The following AKAP6 variants were observed in gnomAD, a reference collection of about 807,000 sequenced individuals.
The protein encoded by AKAP6 is A-kinase anchoring protein 6.
Under a neutral mutation model 188.5 loss-of-function variants are expected in AKAP6, and 58 were observed. The ratio of observed to expected loss-of-function variants is 0.31; its 90% CI spans 0.25 to 0.38. AKAP6 has a LOEUF of 0.38. Among genes scored for constraint, AKAP6 ranks in the 10% least tolerant of loss-of-function variants. The pLI, the probability that AKAP6 is intolerant of heterozygous loss-of-function variation, is 1.00. For missense variants in AKAP6, 2,710 were observed against 2,740.0 expected (o/e 0.99, Z 0.24); for synonymous variants, 989 against 998.6 (o/e 0.99, Z 0.18).
At chr14:32,740,184 T>C (rs993413256) in intron 11 of AKAP6, among the ~76,000 whole-genome samples, 6 of 152,142 alleles carry the variant, frequency 3.9e-5, no homozygotes, top group African/African-American at 1.4e-4. Flanking sequence ...TTTTGAGAAA[T>C]GGCTATTCAA....
At chr14:32,488,532 G>T (rs1027186530) in intron 2 of AKAP6, among the ~76,000 whole-genome samples, 2 of 152,102 alleles carry the variant, frequency 1.3e-5, no homozygotes, top group African/African-American at 4.8e-5. Context: ...CTTTCCAGGG[G>T]ACCGAACAGT....
At chr14:32,490,312 A>C (rs1879944523) in intron 2 of AKAP6, among the ~76,000 whole-genome samples, 1 of 152,170 alleles carries the variant, frequency 6.6e-6, no homozygotes, top group African/African-American at 2.4e-5. Flanking sequence ...TCTTTTGCTC[A>C]ACATGTTTAT....
At chr14:32,361,871 A>C (rs1324105405) in intron 1 of AKAP6, among the ~76,000 whole-genome samples, 1 of 151,640 alleles carries the variant, frequency 6.6e-6, no homozygotes, top group Non-Finnish European at 1.5e-5. Context: ...GTGCAGGCTT[A>C]TTGTTGAATT....
In AKAP6 at chr14:32,631,994, T is replaced by A. The variant is rs568948546; in HGVS notation, c.2730+31202T>A. Among the ~76,000 whole-genome samples the A allele has an allele frequency of 4.6e-5, 7 of 152,176 alleles. No homozygotes were observed. The East Asian group carries it at 1.2e-3, about 25-fold the overall frequency. Reference sequence around the variant, plus strand: ...AGATGGACGTGAGACAACTTTCTCTTCCCAATGTTAGGATTTTCAGCAGTA... The same window carrying A: ...AGATGGACGTGAGACAACTTTCTCTACCCAATGTTAGGATTTTCAGCAGTA... On this transcript the variant is annotated intron_variant, in intron 7 of 13. Coordinates refer to ENST00000280979, the MANE Select transcript of AKAP6 (RefSeq NM_004274.5).
chr14:32,477,986 A>T (rs185815746), intron 2 of AKAP6, among the ~76,000 whole-genome samples: 1 of 152,332 alleles, frequency 6.6e-6, no homozygotes. Flanking sequence ...TTATAAATAT[A>T]GCTAGAATGA....
intron 7 of AKAP6, among the ~76,000 whole-genome samples, chr14:32,632,748 C>T (rs1187827883): frequency 2.0e-5 from 3 of 151,978 alleles, no homozygotes; most frequent in African/African-American, 7.2e-5. Context: ...AATCAGAGAG[C>T]ATAAAGCTAA....
intron 8 of AKAP6, among the ~76,000 whole-genome samples, chr14:32,690,848 A>T (rs1393056966): frequency 6.6e-6 from 1 of 152,182 alleles, no homozygotes; most frequent in Non-Finnish European, 1.5e-5. Flanking sequence ...TTGTGAACCC[A>T]TTTAAGATCA....
intron 7 of AKAP6, among the ~76,000 whole-genome samples, chr14:32,653,604 T>A (rs962250748): frequency 1.3e-5 from 2 of 151,070 alleles, no homozygotes; most frequent in Admixed American, 6.7e-5. Context: ...AGCCAATTAA[T>A]CCTCTTTTCT....
chr14:32,400,003 G>T (rs753628873), intron 1 of AKAP6, among the ~76,000 whole-genome samples: 36 of 151,966 alleles, frequency 2.4e-4, no homozygotes, highest in Non-Finnish European at 4.3e-4. Context: ...TTACCAAGAG[G>T]CTTCTTCTTT....
At chr14:32,439,838 G>T (rs1380640900) in intron 2 of AKAP6, among the ~76,000 whole-genome samples, 2 of 152,178 alleles carry the variant, frequency 1.3e-5, no homozygotes, top group Non-Finnish European at 2.9e-5. Flanking sequence ...GTGTGTTAAA[G>T]CCCGAAGCAT....
chr14:32,665,950 G>A (rs1888917041), intron 7 of AKAP6, among the ~76,000 whole-genome samples: 1 of 152,142 alleles, frequency 6.6e-6, no homozygotes, highest in Non-Finnish European at 1.5e-5. Flanking sequence ...CCTTTGTGTG[G>A]AGGCTGTTAC....
chr14:32,729,383 A>T (rs2031058890), intron 9 of AKAP6, among the ~76,000 whole-genome samples: 1 of 152,110 alleles, frequency 6.6e-6, no homozygotes, highest in Non-Finnish European at 1.5e-5. Flanking sequence ...TTATTTCAGA[A>T]ATTCCTGTTT....
At chr14:32,592,169 C>T (rs1318464650) in intron 5 of AKAP6, among the ~76,000 whole-genome samples, 5 of 152,208 alleles carry the variant, frequency 3.3e-5, no homozygotes, top group Non-Finnish European at 7.3e-5. Flanking sequence ...AATCTCCATG[C>T]ATTCATTTCC....
At chr14:32,403,842 A>G (rs892252678) in intron 1 of AKAP6, among the ~76,000 whole-genome samples, 3 of 152,214 alleles carry the variant, frequency 2.0e-5, no homozygotes, top group African/African-American at 4.8e-5. Flanking sequence ...TGGTAAATGT[A>G]TCTTCTGCAG....
intron 9 of AKAP6, among the ~76,000 whole-genome samples, chr14:32,705,931 A>G (rs934491196): frequency 2.6e-4 from 40 of 152,118 alleles, no homozygotes; most frequent in African/African-American, 9.7e-4. Flanking sequence ...TTCTACCTGG[A>G]AGAAACACAT....
At chr14:32,742,616 T>A (rs1159214572) in intron 11 of AKAP6, among the ~76,000 whole-genome samples, 3 of 152,128 alleles carry the variant, frequency 2.0e-5, no homozygotes, top group Non-Finnish European at 2.9e-5. Flanking sequence ...TCTTAATTTC[T>A]TTATTGACCC....
intron 12 of AKAP6, among the ~76,000 whole-genome samples, chr14:32,795,314 C>T (rs1443813564): frequency 1.3e-5 from 2 of 152,154 alleles, no homozygotes; most frequent in African/African-American, 4.8e-5. Context: ...ATACCAAAAC[C>T]TGGCAGAGAT....
At chr14:32,714,762 A>C (rs918988322) in intron 9 of AKAP6, among the ~76,000 whole-genome samples, 1 of 151,926 alleles carries the variant, frequency 6.6e-6, no homozygotes, top group African/African-American at 2.4e-5. Context: ...TTTCCATTGA[A>C]ACTAAGTCAT....
chr14:32,694,814 C>T (rs183445253), intron 8 of AKAP6, among the ~76,000 whole-genome samples: 25 of 151,974 alleles, frequency 1.6e-4, no homozygotes, highest in East Asian at 3.9e-4. Flanking sequence ...TTCATTTTCA[C>T]GGAAAGCAGT....
Sources: allele counts gnomAD v4.1 joint callset (sites outside exome capture counted in the v4.1 genomes callset), GRCh38; gene constraint gnomAD v4.1.1; transcripts MANE v1.5; gene names NCBI Gene and HGNC (gene_info 2026-07-23, HGNC 2026-07-21).